The following TRMU variants were observed in gnomAD, a reference collection of about 807,000 sequenced individuals.
The protein encoded by TRMU is mitochondrial tRNA-specific 2-thiouridylase 1.
In TRMU, 49 loss-of-function variants were observed where a neutral mutation model predicts 46.9. That is an observed-to-expected ratio of 1.05 (90% CI 0.83 to 1.33). The LOEUF is 1.33. TRMU is among the 40% of genes most tolerant of loss of function. The pLI, the probability that TRMU is intolerant of heterozygous loss-of-function variation, is 0.00. For missense variants in TRMU, 572 were observed against 532.4 expected (o/e 1.07, Z -0.73); for synonymous variants, 241 against 200.9 (o/e 1.20, Z -1.69).
At position 46,337,939 on chromosome 22, in the gene TRMU, G is replaced by T; in HGVS notation, c.243G>T (p.Val81=). ...ACGTAAAGGAGTATTGGAATGATGTGTTCAGGTGAGTGCGGGTCACAGCAC... is the reference window on the plus strand; with the variant it reads ...ACGTAAAGGAGTATTGGAATGATGTTTTCAGGTGAGTGCGGGTCACAGCAC... ...VSYVKEYWND[V]FSDFLNEYEK... Residue 81 remains valine, a synonymous_variant, in exon 2 of 11, where the codon GTG becomes GTT. Transcript: ENST00000645190. 1 of 1,614,110 alleles carries T rather than the reference G, an allele frequency of 6.2e-7. No homozygotes were observed. The highest frequency in any genetic ancestry group is 8.5e-7 in the Non-Finnish European group (1 of 1,180,002).
At position 46,339,307 on chromosome 22, in the gene TRMU, G is replaced by A. The variant is rs1360494887; in HGVS notation, c.248+1363G>A. 3.3e-5 allele frequency among the ~76,000 whole-genome samples: 5 copies of A among 152,048 alleles called. No individual in the cohort carries two copies. Among genetic ancestry groups the A allele is most frequent in the East Asian group, 1.9e-4 (1 of 5,182 alleles). ...TGGGATTATAGGCATGCACCACCAC[G>A]CCCGGATAATTTTTGTATTTTTAGT... On this transcript the variant is annotated intron_variant, in intron 2 of 10. Transcript: ENST00000645190. This position sits in a 1 kb window ranked among gnomAD's most constrained non-coding sequence, Gnocchi z 4.8.
chr22:46,357,216 G>A lies in TRMU; in HGVS notation c.*210G>A, dbSNP rs141551983. 3.8e-5 allele frequency: 26 copies of A among 675,560 alleles called. No individual in the cohort carries two copies. The highest frequency in any genetic ancestry group is 6.2e-5 in the Non-Finnish European group (25 of 401,608). The allele number at this position is 675,560 out of a possible 1,614,324, so 41.8% of individuals were successfully genotyped here. On this transcript the variant is annotated 3_prime_UTR_variant, in exon 11 of 11. Transcript: ENST00000645190. ...GCTCTGGCTGCTGGAGCATCTGCTG[G>A]CTGGTGGGGTGGCCCGAGTTCCCCT...
Position 46,337,882 on chromosome 22 carries a change from G to T in TRMU, c.186G>T (p.Gln62His). Residue 62 changes from glutamine (Q) to histidine (H), a missense_variant, in exon 2 of 11, where the codon CAG becomes CAT. Coordinates refer to ENST00000645190, the MANE Select transcript of TRMU (RefSeq NM_018006.5). ...GTGAAGATGCTTACAGAGTTTGCCA[G>T]ATCTTAGACATCCCTTTCCATCAAG... ...KDCEDAYRVC[Q>H]ILDIPFHQVS... The T allele has an allele frequency of 6.2e-7, 1 of 1,614,250 alleles. No homozygotes were observed. Among genetic ancestry groups the T allele is most frequent in the Non-Finnish European group, 8.5e-7 (1 of 1,180,040 alleles).
chr22:46,354,463 T>C (rs938911250), intron 8 of TRMU: 4 of 161,008 alleles, frequency 2.5e-5, no homozygotes, highest in African/African-American at 9.6e-5. Context: ...CCGGGGATGC[T>C]GCTTGCCGTG....
Position 46,335,748 on chromosome 22 carries a change from A to G in TRMU, c.-17A>G, listed in dbSNP as rs2077951691. ...AAGCGGCGGTAGCTGCAGCTGGCGA[A>G]GTTGGGCGACTGGCGGATGCAGGCC... On this transcript the variant is annotated 5_prime_UTR_variant, in exon 1 of 11. Transcript: ENST00000645190. 1.9e-6 allele frequency: 3 copies of G among 1,547,722 alleles called. No individual in the cohort carries two copies. The highest frequency in any genetic ancestry group is 1.4e-5 in the African/African-American group (1 of 73,074).
chr22:46,337,455 GTGCTT>G (rs1437158797), intron 1 of TRMU, among the ~76,000 whole-genome samples: 3 of 152,142 alleles, frequency 2.0e-5, no homozygotes. Flanking sequence ...TAACTGAATG[GTGCTT>G]TGAAAAATTT....
chr22:46,354,104 T>C (rs567891070), intron 8 of TRMU: 34 of 464,536 alleles, frequency 7.3e-5, no homozygotes, highest in Non-Finnish European at 1.2e-4. Flanking sequence ...TGAACCCCGA[T>C]ACACAGATAC....
At chr22:46,353,670 C>T in intron 7 of TRMU, 97 bp from the exon 8 acceptor site, 2 of 1,135,244 alleles carry the variant, frequency 1.8e-6, no homozygotes, top group South Asian at 1.2e-5. Context: ...GCTGGGCCTG[C>T]TCTGGGCTGC....
intron 2 of TRMU, among the ~76,000 whole-genome samples, chr22:46,340,442 G>A (rs566795868): frequency 6.6e-6 from 1 of 152,352 alleles, no homozygotes; most frequent in South Asian, 2.1e-4. Flanking sequence ...ACGAGTGGAT[G>A]CGATTTTTGA....
chr22:46,350,211 A>G lies in TRMU; in HGVS notation c.479-80A>G, dbSNP rs1277331357. 1.3e-6 allele frequency: 2 copies of G among 1,567,746 alleles called. No homozygotes were observed. Among genetic ancestry groups the G allele is most frequent in the East Asian group, 4.5e-5 (2 of 44,624 alleles). ...TGACAGGCTAGGGGTAGTCTGTCTAAGTGAACAGAAGGACATTGTTGAAAG... is the reference window on the plus strand; with the variant it reads ...TGACAGGCTAGGGGTAGTCTGTCTAGGTGAACAGAAGGACATTGTTGAAAG... On this transcript the variant is annotated intron_variant, in intron 4 of 10. Transcript: ENST00000645190. This position sits in a 1 kb window ranked among gnomAD's most constrained non-coding sequence, Gnocchi z 4.6.
rs971954757 is a variant in TRMU, at chr22:46,351,348, C to T, written c.652-773C>T. Among the ~76,000 whole-genome samples the T allele has an allele frequency of 4.6e-5, 7 of 152,108 alleles. No individual in the cohort carries two copies. The highest frequency in any genetic ancestry group is 1.4e-4 in the African/African-American group (6 of 41,434). ...AAAAAGAGAGAACCCGGAGTGTTGG[C>T]GGAACTAGGATGAAGCCCGTGGGAG... On this transcript the variant is annotated intron_variant, in intron 5 of 10. Coordinates refer to ENST00000645190, the MANE Select transcript of TRMU (RefSeq NM_018006.5). This position sits in a 1 kb window ranked among gnomAD's most constrained non-coding sequence, Gnocchi z 6.4.
rs1301237344 is a variant in TRMU at position 46,336,263 on chromosome 22, G to C, written c.82+417G>C. The C allele has an allele frequency of 7.4e-6, 4 of 537,664 alleles. 1 individual carries two copies. The African/African-American group carries it at 8.4e-5, about 11-fold the overall frequency. The allele number at this position is 537,664 out of a possible 1,614,324, so 33.3% of individuals were successfully genotyped here. A position where few individuals can be genotyped will look rare whatever the true frequency, so the allele number is the denominator to read the frequency against. On this transcript the variant is annotated intron_variant, in intron 1 of 10. Coordinates refer to ENST00000645190, the MANE Select transcript of TRMU (RefSeq NM_018006.5). The surrounding 1 kb of genome is among the most constrained non-coding windows in gnomAD (Gnocchi z 4.1). ...CTGCACACGCTGTGGCCGCCCGGTG[G>C]GAGGTCCTTGTCCTCCCCACTCAGC...
At chr22:46,343,865 G>A (rs1415213550) in intron 3 of TRMU, among the ~76,000 whole-genome samples, 1 of 152,088 alleles carries the variant, frequency 6.6e-6, no homozygotes, top group Non-Finnish European at 1.5e-5. Flanking sequence ...ACCCTGTTGT[G>A]TGTTGCTACG....
At position 46,347,210 on chromosome 22, in the gene TRMU, G is replaced by A. The variant is rs1405435015; in HGVS notation, c.478+666G>A. Among the ~76,000 whole-genome samples the A allele has an allele frequency of 6.6e-6, 1 of 152,090 alleles. No homozygotes were observed. Among genetic ancestry groups the A allele is most frequent in the Non-Finnish European group, 1.5e-5 (1 of 68,046 alleles). On this transcript the variant is annotated intron_variant, in intron 4 of 10. Transcript: ENST00000645190. The surrounding 1 kb of genome is among the most constrained non-coding windows in gnomAD (Gnocchi z 5.0). ...TTCCGCACGGAGCGTCCGTCCATCA[G>A]TGGGGACCCCTGAAGGGCAGCCTTG... is the stretch of plus-strand genomic sequence containing the variant.
intron 5 of TRMU, 120 bp from the exon 6 acceptor site, chr22:46,352,001 A>G: frequency 8.7e-7 from 1 of 1,154,946 alleles, no homozygotes; most frequent in Non-Finnish European, 1.3e-6. Context: ...CCGGGCCCCT[A>G]CCCTGGAAGC....
rs2077993341 is a variant in TRMU at position 46,336,895 on chromosome 22, C to T, written c.83-884C>T. ...GGAGGTGGAGGCGGCCCTCCCGGCA[C>T]AGTCAGCAGTGCAAGCAGAATCACA... On this transcript the variant is annotated intron_variant, in intron 1 of 10. Transcript: ENST00000645190. This position sits in a 1 kb window ranked among gnomAD's most constrained non-coding sequence, Gnocchi z 4.1. Among the ~76,000 whole-genome samples the T allele has an allele frequency of 1.3e-5, 2 of 152,062 alleles. No homozygotes were observed. The highest frequency in any genetic ancestry group is 1.3e-4 in the Admixed American group (2 of 15,270).
chr22:46,352,612 C>T (rs1219173195), intron 7 of TRMU: 4 of 532,168 alleles, frequency 7.5e-6, no homozygotes, highest in Admixed American at 3.1e-5. Flanking sequence ...TATCAAGTCC[C>T]TGTAAAAAGA....
At position 46,350,364 on chromosome 22, in the gene TRMU, C is replaced by T. The variant is rs35772382; in HGVS notation, c.552C>T (p.Ala184=). Residue 184 remains alanine, a synonymous_variant, in exon 5 of 11, where the codon GCC becomes GCT. Coordinates refer to ENST00000645190, the MANE Select transcript of TRMU (RefSeq NM_018006.5). This position sits in a 1 kb window ranked among gnomAD's most constrained non-coding sequence, Gnocchi z 4.6. ...TTCTCAGCCAGGTTTCCCAGGATGC[C>T]CTGAGGAGAACCATCTTCCCTCTGG... is the stretch of plus-strand genomic sequence containing the variant. ...TFFLSQVSQD[A]LRRTIFPLGG... 6.1e-3 allele frequency: 9,825 copies of T among 1,614,176 alleles called. 469 individuals are homozygous for T. In the African/African-American group the frequency reaches 0.11, roughly 18 times the overall value.
rs1025807531 is a variant in TRMU, at chr22:46,351,956, G to A, written c.652-165G>A. The A allele has an allele frequency of 2.8e-5, 22 of 791,138 alleles. No individual in the cohort carries two copies. Among genetic ancestry groups the A allele is most frequent in the East Asian group, 2.7e-4 (11 of 41,164 alleles). 49.0% of individuals were successfully genotyped at this position (791,138 alleles called of 1,614,324 possible). ...CTAAGGCTCTGGCATCGTGTGCGCC[G>A]GCTGTGACTGGCGGCCGAGGGTGCC... On this transcript the variant is annotated intron_variant, in intron 5 of 10. Coordinates refer to ENST00000645190, the MANE Select transcript of TRMU (RefSeq NM_018006.5). This position sits in a 1 kb window ranked among gnomAD's most constrained non-coding sequence, Gnocchi z 6.4.
Sources: gnomAD v4.1 joint callset for allele counts (sites outside exome capture counted in the v4.1 genomes callset) on GRCh38, gnomAD v4.1.1 for gene constraint, Gnocchi (gnomAD v3.1) non-coding constraint, MANE v1.5 for transcripts, NCBI Gene and HGNC (gene_info 2026-07-23, HGNC 2026-07-21) for gene names.